Variants in SART1 observed in about 807,000 individuals in gnomAD.
SART1 encodes the protein spliceosome associated factor 1, recruiter of U4/U6.U5 tri-snRNP, also known as U4/U6.U5 tri-snRNP-associated protein 1.
A neutral mutation model predicts 105.0 loss-of-function variants in SART1; 28 were observed. That is an observed-to-expected ratio of 0.27 (90% CI 0.20 to 0.37). The LOEUF (loss-of-function observed/expected upper bound fraction) is 0.37, where lower values mean the gene tolerates loss of function less well. SART1 is among the 10% of genes least tolerant of loss of function. The pLI, the probability that SART1 is intolerant of heterozygous loss-of-function variation, is 1.00. For missense variants in SART1, 894 were observed against 1,106.5 expected (o/e 0.81, Z 2.72); for synonymous variants, 472 against 462.9 (o/e 1.02, Z -0.25).
chr11:65,975,410 A>AT (rs531946236), intron 12 of SART1, among the ~76,000 whole-genome samples: 69,296 of 110,080 alleles, frequency 0.63, 22,377 homozygotes, highest in Admixed American at 0.68. Flanking sequence ...CCCTGGAAGA[A>AT]TTTTTTTTTT....
At chr11:65,962,746 G>A (rs642293) in intron 1 of SART1, among the ~76,000 whole-genome samples, 64,895 of 152,024 alleles carry the variant, frequency 0.43, 14,286 homozygotes, top group Admixed American at 0.57. Flanking sequence ...AAACCAGGAG[G>A]GCTATAGGCC....
intron 1 of SART1, among the ~76,000 whole-genome samples, chr11:65,962,762 A>T (rs1017999040): frequency 1.3e-5 from 2 of 152,190 alleles, no homozygotes; most frequent in African/African-American, 2.4e-5. Context: ...AGGCCAGGGG[A>T]GGGCTGATGG....
intron 12 of SART1, among the ~76,000 whole-genome samples, chr11:65,975,810 CATT>C (rs768811870): frequency 6.6e-6 from 1 of 151,970 alleles, no homozygotes; most frequent in Non-Finnish European, 1.5e-5. Flanking sequence ...AGATGGTAAT[CATT>C]GTGTGTGGCT....
intron 12 of SART1, among the ~76,000 whole-genome samples, chr11:65,971,869 A>G (rs1487843598): frequency 6.6e-6 from 1 of 152,078 alleles, no homozygotes; most frequent in African/African-American, 2.4e-5. Context: ...TGAAGTTAAT[A>G]CAGTCAATGA....
chr11:65,979,007 T>C lies in SART1; in HGVS notation c.2385-5T>C, dbSNP rs1362010098. On this transcript the variant is annotated splice_region_variant and splice_polypyrimidine_tract_variant and intron_variant, in intron 19 of 19. Transcript: ENST00000312397. ...GCAGCCTCACGCCCCTGTTCTTCTC[T>C]GCAGGAACACCATCACCAAGTGACA... The C allele has an allele frequency of 5.0e-6, 8 of 1,614,012 alleles. No homozygotes were observed. The African/African-American group carries it at 9.3e-5, about 19-fold the overall frequency.
chr11:65,977,073 A>G lies in SART1; in HGVS notation c.1917A>G (p.Ala639=). The change falls in exon 15 of 20, where the codon GCA becomes GCG. Residue 639 remains alanine, a synonymous_variant. Transcript: ENST00000312397. ...AACCGATCGTGAATAGGGGGCTGGC[A>G]GCTGCCCTGCTCCTGTGTCAGAACA... ...DEEPIVNRGL[A]AALLLCQNKG... 1 of 1,613,894 alleles carries G rather than the reference A, an allele frequency of 6.2e-7. No individual in the cohort carries two copies. Among genetic ancestry groups the G allele is most frequent in the Non-Finnish European group, 8.5e-7 (1 of 1,179,858 alleles).
intron 15 of SART1, 90 bp from the exon 16 acceptor site, chr11:65,977,473 T>G: frequency 1.9e-6 from 2 of 1,054,738 alleles, no homozygotes; most frequent in Non-Finnish European, 2.9e-6. Context: ...GAAAGGGAGG[T>G]GCCCCCACAG....
At chr11:65,964,485 G>T in intron 2 of SART1, 30 bp from the exon 3 acceptor site, 3 of 1,612,854 alleles carry the variant, frequency 1.9e-6, no homozygotes, top group African/African-American at 1.3e-5. Flanking sequence ...GTCTTTAATA[G>T]CCCCTAACAC....
rs747154702 is a variant in SART1, at chr11:65,976,783, TG to T, written c.1857+23del. 8.2e-6 allele frequency: 13 copies of T among 1,581,270 alleles called. No homozygotes were observed. In the East Asian group the frequency reaches 1.1e-4, roughly 14 times the overall value. ...CAGCAGGATGTGAGGGCCGCGCCGC[TG>T]GGGGGTGGGCGTTTGGGGGTGCTCA... is the stretch of plus-strand genomic sequence containing the variant. On this transcript the variant is annotated intron_variant, in intron 14 of 19. Transcript: ENST00000312397. This position sits in a 1 kb window ranked among gnomAD's most constrained non-coding sequence, Gnocchi z 5.1.
In SART1 at chr11:65,967,816, G is replaced by A. The variant is rs373540194; in HGVS notation, c.1567G>A (p.Glu523Lys). 2.6e-5 allele frequency: 40 copies of A among 1,533,416 alleles called. No homozygotes were observed. The highest frequency in any genetic ancestry group is 2.0e-4 in the East Asian group (8 of 40,736). 95.0% of individuals were successfully genotyped at this position (1,533,416 alleles called of 1,614,324 possible). A position where few individuals can be genotyped will look rare whatever the true frequency, so the allele number is the denominator to read the frequency against. Residue 523 changes from glutamate (E) to lysine (K), a missense_variant, in exon 12 of 20, where the codon GAG (glutamate) becomes AAG (lysine). By Grantham distance (56) the Glu-to-Lys change is moderately conservative. Coordinates refer to ENST00000312397, the MANE Select transcript of SART1 (RefSeq NM_005146.5). ...QQLQQLRDSG[E>K]KVVEIVKKLE... ...GCTACAGCAGCTGCGAGACAGTGGC[G>A]AGAAGGTGAGGCTGGGCATGGGCAG...
At chr11:65,975,626 G>A (rs1034007229) in intron 12 of SART1, among the ~76,000 whole-genome samples, 2 of 151,748 alleles carry the variant, frequency 1.3e-5, no homozygotes, top group African/African-American at 2.4e-5. Flanking sequence ...GGCTGGTCTC[G>A]ATCTCCGGAA....
chr11:65,966,369 T>C lies in SART1; in HGVS notation c.1001T>C (p.Leu334Pro). ...DLAQQKPRSI[L>P]SKYDEELEGE... ...TTGCAGCAAAAACCTCGCTCTATCC[T>C]GTCCAAGTATGACGAAGAGCTTGAA... The change falls in exon 9 of 20, where the codon CTG becomes CCG. Residue 334 changes from leucine (L) to proline (P), a missense_variant. Leu to Pro is a moderately conservative substitution (Grantham distance 98). This residue lies in a region of SART1 where 712 missense variants were observed against 778.2 expected (regional missense o/e 0.91). Coordinates refer to ENST00000312397, the MANE Select transcript of SART1 (RefSeq NM_005146.5). 6.2e-7 allele frequency: 1 copy of C among 1,614,020 alleles called. No individual in the cohort carries two copies. The highest frequency in any genetic ancestry group is 8.5e-7 in the Non-Finnish European group (1 of 1,180,024).
chr11:65,974,198 TAAAAAAAAAA>T (rs1168176073), intron 12 of SART1, among the ~76,000 whole-genome samples: 13 of 69,348 alleles, frequency 1.9e-4, no homozygotes, highest in Admixed American at 1.1e-3. Flanking sequence ...CCCTCTCTAC[TAAAAAAAAAA>T]AAAAAAAAAA....
chr11:65,967,134 G>A, intron 9 of SART1, 125 bp from the exon 10 acceptor site: 1 of 1,373,900 alleles, frequency 7.3e-7, no homozygotes, highest in Non-Finnish European at 9.9e-7. Context: ...TGTTGCTCAT[G>A]TGTGGGAAGC....
chr11:65,970,443 A>G (rs1280652296), intron 12 of SART1, among the ~76,000 whole-genome samples: 4 of 152,152 alleles, frequency 2.6e-5, no homozygotes, highest in Non-Finnish European at 2.9e-5. Flanking sequence ...CACATTTATG[A>G]CGGAAGAAGA....
rs1169021192 is a variant in SART1 at position 65,978,982 on chromosome 11, G to T, written c.2385-30G>T. 1 of 1,614,002 alleles carries T rather than the reference G, an allele frequency of 6.2e-7. No homozygotes were observed. The highest frequency in any genetic ancestry group is 8.5e-7 in the Non-Finnish European group (1 of 1,179,982). On this transcript the variant is annotated intron_variant, in intron 19 of 19. Coordinates refer to ENST00000312397, the MANE Select transcript of SART1 (RefSeq NM_005146.5). The surrounding 1 kb of genome is among the most constrained non-coding windows in gnomAD (Gnocchi z 6.8). The stretch of plus-strand genomic sequence containing the variant: ...GGTGGCGTGGCCTGTGCCCGCCTCT[G>T]CAGCCTCACGCCCCTGTTCTTCTCT...
At chr11:65,967,615 G>T (rs1855286996) in intron 11 of SART1, 29 bp downstream of exon 11, 1 of 1,607,094 alleles carries the variant, frequency 6.2e-7, no homozygotes, top group Non-Finnish European at 8.5e-7. Context: ...GGTGGGAGGG[G>T]CAGGGACAGG....
In SART1 at chr11:65,978,046, A is replaced by G. The variant is rs1855520259; in HGVS notation, c.2172+147A>G. 2.4e-6 allele frequency: 2 copies of G among 832,390 alleles called. No individual in the cohort carries two copies. Among genetic ancestry groups the G allele is most frequent in the Admixed American group, 2.8e-5 (1 of 35,854 alleles). The allele number at this position is 832,390 out of a possible 1,614,324, so 51.6% of individuals were successfully genotyped here. A position where few individuals can be genotyped will look rare whatever the true frequency, so the allele number is the denominator to read the frequency against. On this transcript the variant is annotated intron_variant, in intron 17 of 19. Transcript: ENST00000312397. This position sits in a 1 kb window ranked among gnomAD's most constrained non-coding sequence, Gnocchi z 6.8. ...GGCCTGGTGAATGCCACGGATGGGGAGGGGGCCCTCAGGGCTGAGGAAGGC... is the reference window on the plus strand; with the variant it reads ...GGCCTGGTGAATGCCACGGATGGGGGGGGGGCCCTCAGGGCTGAGGAAGGC...
rs1411520366 is a variant in SART1 at position 65,965,889 on chromosome 11, C to T, written c.741C>T (p.Asp247=). 2 of 1,614,042 alleles carry T rather than the reference C, an allele frequency of 1.2e-6. No individual in the cohort carries two copies. Among genetic ancestry groups the T allele is most frequent in the Admixed American group, 3.3e-5 (2 of 60,018 alleles). ...TGACTCGCCGATTCTTCCCTTAGGACCTGTACAGTGCCCGGGACCTGCAGG... is the reference window on the plus strand; with the variant it reads ...TGACTCGCCGATTCTTCCCTTAGGATCTGTACAGTGCCCGGGACCTGCAGG... ...VEEEFGQRRQ[D]LYSARDLQGL... The change falls in exon 7 of 20, where the codon GAC becomes GAT. Residue 247 remains aspartate (D), a splice_region_variant and synonymous_variant. Transcript: ENST00000312397.
Sources: gnomAD v4.1 joint callset for allele counts (sites outside exome capture counted in the v4.1 genomes callset) on GRCh38, gnomAD v4.1.1 for gene constraint, gnomAD v4.1.1 regional missense constraint, Gnocchi (gnomAD v3.1) non-coding constraint, MANE v1.5 for transcripts, NCBI Gene and HGNC (gene_info 2026-07-23, HGNC 2026-07-21) for gene names.